PTPRD: variants seen among roughly 807,000 people sequenced by gnomAD.
The protein encoded by PTPRD is protein tyrosine phosphatase receptor type D, also known as receptor-type tyrosine-protein phosphatase delta.
PTPRD carries 34 observed loss-of-function variants against 214.5 expected under a neutral mutation model. That is an observed-to-expected ratio of 0.16 (90% confidence interval 0.12 to 0.21). The LOEUF is 0.21. Ranked by LOEUF, PTPRD falls within the 10% of genes least tolerant of loss-of-function variation. The probability of loss-of-function intolerance (pLI) is 1.00; values close to 1 mark genes in which losing one functional copy is unlikely to be tolerated. For missense variants in PTPRD, 2,545 were observed against 2,398.7 expected (o/e 1.06, Z -1.27); for synonymous variants, 1,128 against 845.7 (o/e 1.33, Z -5.79).
intron 36 of PTPRD, 72 bp from the exon 37 acceptor site, chr9:8,389,479 T>C (rs1245214509): frequency 1.4e-5 from 16 of 1,160,204 alleles, no homozygotes; most frequent in East Asian, 2.5e-5. Context: ...CATGACCTAA[T>C]GGCAGTGCTA....
At chr9:10,385,686 G>T (rs534716903) in intron 2 of PTPRD, among the ~76,000 whole-genome samples, 5 of 151,738 alleles carry the variant, frequency 3.3e-5, no homozygotes, top group African/African-American at 1.2e-4. Flanking sequence ...ATAAAATATA[G>T]ATAATATTTC....
chr9:10,090,801 C>T (rs1393083237), intron 3 of PTPRD, among the ~76,000 whole-genome samples: 2 of 148,182 alleles, frequency 1.3e-5, no homozygotes, highest in Non-Finnish European at 3.0e-5. Flanking sequence ...TGATCGGCAG[C>T]ATTTTTCTTA....
intron 7 of PTPRD, among the ~76,000 whole-genome samples, chr9:9,656,783 T>C (rs568493798): frequency 3.7e-4 from 57 of 152,204 alleles, no homozygotes; most frequent in African/African-American, 1.3e-3. Context: ...TAATAATGTG[T>C]TGACATAGGT....
At chr9:9,400,763 G>A (rs772564163) in intron 8 of PTPRD, among the ~76,000 whole-genome samples, 1 of 152,040 alleles carries the variant, frequency 6.6e-6, no homozygotes, top group Non-Finnish European at 1.5e-5. Context: ...TGAGGAAATG[G>A]AGTCAAACCA....
At chr9:10,139,920 T>C (rs1032124581) in intron 3 of PTPRD, among the ~76,000 whole-genome samples, 2 of 152,068 alleles carry the variant, frequency 1.3e-5, no homozygotes, top group Admixed American at 6.6e-5. Context: ...ATGAAAGAAC[T>C]ATAAATACAA....
intron 10 of PTPRD, among the ~76,000 whole-genome samples, chr9:9,155,892 ACTCATTTCC>A (rs2154491656): frequency 6.6e-6 from 1 of 152,170 alleles, no homozygotes; most frequent in Non-Finnish European, 1.5e-5. Context: ...TAATGCAGGC[ACTCATTTCC>A]CTGGAGCCTG....
intron 2 of PTPRD, among the ~76,000 whole-genome samples, chr9:10,521,038 T>C (rs1271598822): frequency 6.6e-6 from 1 of 151,828 alleles, no homozygotes; most frequent in African/African-American, 2.4e-5. Flanking sequence ...ATTTTAGAAA[T>C]ACAGTTCATA....
At chr9:9,864,530 G>A (rs1044348505) in intron 5 of PTPRD, among the ~76,000 whole-genome samples, 1 of 151,872 alleles carries the variant, frequency 6.6e-6, no homozygotes, top group African/African-American at 2.4e-5. Context: ...TTGTTTGTTT[G>A]TTTTTTGAGG....
chr9:9,536,681 C>G (rs1365914133), intron 8 of PTPRD, among the ~76,000 whole-genome samples: 1 of 151,970 alleles, frequency 6.6e-6, no homozygotes, highest in Non-Finnish European at 1.5e-5. Flanking sequence ...TAGTCTAAGC[C>G]TACATCAGAA....
intron 34 of PTPRD, among the ~76,000 whole-genome samples, chr9:8,439,371 C>G (rs2095466226): frequency 6.6e-6 from 1 of 152,198 alleles, no homozygotes; most frequent in Non-Finnish European, 1.5e-5. Context: ...CACATATAGA[C>G]AGAACTTCTG....
chr9:8,571,255 T>C lies in PTPRD; in HGVS notation c.353-42476A>G, dbSNP rs1436796898. ...TCACTCTCTTACTGTGCCTTGTGAA[T>C]ACTTAAGAGTTTAGGGTCTCCCTTA... On this transcript the variant is annotated intron_variant, in intron 14 of 45. Coordinates refer to ENST00000381196, the MANE Select transcript of PTPRD (RefSeq NM_002839.4). 3.3e-5 allele frequency among the ~76,000 whole-genome samples: 5 copies of C among 152,256 alleles called. No homozygotes were observed. The South Asian group carries it at 6.2e-4, about 19-fold the overall frequency.
chr9:8,950,758 C>T (rs1213436717), intron 11 of PTPRD, among the ~76,000 whole-genome samples: 1 of 151,300 alleles, frequency 6.6e-6, no homozygotes, highest in Non-Finnish European at 1.5e-5. Flanking sequence ...ATTCCTGACC[C>T]ACTCTGAACC....
At chr9:9,129,262 C>A (rs546464931) in intron 10 of PTPRD, among the ~76,000 whole-genome samples, 2 of 152,046 alleles carry the variant, frequency 1.3e-5, no homozygotes, top group South Asian at 2.1e-4. Context: ...TGGTAGCGGG[C>A]GGCTGTAATC....
chr9:8,844,610 T>C (rs1182292269), intron 11 of PTPRD, among the ~76,000 whole-genome samples: 1 of 152,176 alleles, frequency 6.6e-6, no homozygotes, highest in African/African-American at 2.4e-5. Flanking sequence ...TCTACCAAGG[T>C]GATTTATTAA....
At chr9:8,763,178 T>C (rs1387376506) in intron 11 of PTPRD, among the ~76,000 whole-genome samples, 1 of 152,174 alleles carries the variant, frequency 6.6e-6, no homozygotes, top group African/African-American at 2.4e-5. Context: ...TTCTCATTTG[T>C]TAGCTTGAGA....
intron 5 of PTPRD, among the ~76,000 whole-genome samples, chr9:9,889,990 T>G (rs1024502276): frequency 7.2e-5 from 11 of 152,070 alleles, no homozygotes; most frequent in Non-Finnish European, 1.3e-4. Context: ...AGCAAACTTC[T>G]CCTTCATCCA....
chr9:10,019,903 A>G (rs2096811344), intron 4 of PTPRD, among the ~76,000 whole-genome samples: 1 of 148,498 alleles, frequency 6.7e-6, no homozygotes, highest in Non-Finnish European at 1.5e-5. Flanking sequence ...TGTTGTGCAC[A>G]TGTACCCTAG....
intron 9 of PTPRD, among the ~76,000 whole-genome samples, chr9:9,232,869 C>A (rs2099964006): frequency 6.6e-6 from 1 of 152,090 alleles, no homozygotes. Flanking sequence ...AATTTCTCTT[C>A]CTCAAGGCCA....
At chr9:9,265,431 T>A (rs949031404) in intron 9 of PTPRD, among the ~76,000 whole-genome samples, 1 of 151,486 alleles carries the variant, frequency 6.6e-6, no homozygotes, top group African/African-American at 2.4e-5. Context: ...TTTTTGTTTT[T>A]GTTTTTTTTG....
Sources: allele counts gnomAD v4.1 joint callset (sites outside exome capture counted in the v4.1 genomes callset), GRCh38; gene constraint gnomAD v4.1.1; transcripts MANE v1.5; gene names NCBI Gene and HGNC (gene_info 2026-07-23, HGNC 2026-07-21).